Variants in TNIK observed in about 807,000 individuals in gnomAD.
TNIK encodes the protein TRAF2 and NCK interacting kinase, also known as TRAF2 and NCK-interacting protein kinase.
TNIK carries 49 observed loss-of-function variants against 191.3 expected under a neutral mutation model. The observed-to-expected ratio is 0.26, with a 90% confidence interval of 0.20 to 0.32. The LOEUF (loss-of-function observed/expected upper bound fraction) is 0.32, where lower values mean the gene tolerates loss of function less well. Ranked by LOEUF, TNIK falls within the 10% of genes least tolerant of loss-of-function variation. The pLI is 1.00. For synonymous variants in TNIK, 594 were observed against 600.9 expected (o/e 0.99, Z 0.17); for missense variants, 1,155 against 1,702.3 (o/e 0.68, Z 5.66).
At chr3:171,344,606 G>A (rs573756137) in intron 2 of TNIK, among the ~76,000 whole-genome samples, 5 of 152,258 alleles carry the variant, frequency 3.3e-5, no homozygotes, top group Admixed American at 3.3e-4. Flanking sequence ...TCAGAATTGT[G>A]AAAGTGACAG....
intron 1 of TNIK, among the ~76,000 whole-genome samples, chr3:171,418,537 GCTA>G (rs1168995395): frequency 6.6e-6 from 1 of 152,176 alleles, no homozygotes; most frequent in Admixed American, 6.5e-5. Flanking sequence ...ACTCATACAT[GCTA>G]CTACAAGGAT....
At chr3:171,170,586 A>G (rs1735141896) in intron 9 of TNIK, among the ~76,000 whole-genome samples, 2 of 152,346 alleles carry the variant, frequency 1.3e-5, no homozygotes, top group South Asian at 2.1e-4. Flanking sequence ...AAAAGTTATG[A>G]TAAGTGAATT....
intron 1 of TNIK, among the ~76,000 whole-genome samples, chr3:171,443,255 G>C (rs1312675272): frequency 6.6e-6 from 1 of 152,142 alleles, no homozygotes; most frequent in African/African-American, 2.4e-5. Context: ...GCTACCCAGA[G>C]TATCCATGCT....
intron 2 of TNIK, among the ~76,000 whole-genome samples, chr3:171,354,453 T>C (rs1353219988): frequency 6.6e-6 from 1 of 152,064 alleles, no homozygotes; most frequent in Non-Finnish European, 1.5e-5. Flanking sequence ...AAGGGCAGCT[T>C]GTAGCAGGAC....
intron 26 of TNIK, among the ~76,000 whole-genome samples, chr3:171,083,761 G>A (rs1720980478): frequency 6.6e-6 from 1 of 152,112 alleles, no homozygotes; most frequent in African/African-American, 2.4e-5. Flanking sequence ...CCCCTTGCAG[G>A]ATGTGGTATG....
At chr3:171,263,992 G>A (rs1333392292) in intron 2 of TNIK, among the ~76,000 whole-genome samples, 5 of 151,078 alleles carry the variant, frequency 3.3e-5, no homozygotes, top group Admixed American at 6.6e-5. Flanking sequence ...GGCATGCTAC[G>A]GAGTTTGTGA....
At chr3:171,142,349 GGCGGGAT>G (rs1321616417) in intron 12 of TNIK, among the ~76,000 whole-genome samples, 32 of 152,200 alleles carry the variant, frequency 2.1e-4, no homozygotes, top group African/African-American at 7.0e-4. Context: ...TTTCAGCAAA[GGCGGGAT>G]GAGAGTCCAT....
intron 32 of TNIK, among the ~76,000 whole-genome samples, chr3:171,065,199 G>A (rs2108299214): frequency 6.6e-6 from 1 of 152,260 alleles, no homozygotes; most frequent in East Asian, 1.9e-4. Context: ...GAGACTGGGT[G>A]GGAGCTGGAG....
At chr3:171,405,716 C>A (rs1721582997) in intron 1 of TNIK, among the ~76,000 whole-genome samples, 1 of 152,150 alleles carries the variant, frequency 6.6e-6, no homozygotes, top group South Asian at 2.1e-4. Flanking sequence ...TTCTACAGAG[C>A]ATCCCAAAAT....
At chr3:171,298,735 C>T (rs1025438114) in intron 2 of TNIK, among the ~76,000 whole-genome samples, 2 of 152,172 alleles carry the variant, frequency 1.3e-5, no homozygotes, top group African/African-American at 4.8e-5. Context: ...AAACAAAATA[C>T]AAACCTTTGT....
chr3:171,376,710 G>A (rs1366381082), intron 1 of TNIK, among the ~76,000 whole-genome samples: 2 of 142,504 alleles, frequency 1.4e-5, no homozygotes, highest in African/African-American at 3.1e-5. Flanking sequence ...GATAATTCAA[G>A]TAAAAAACAT....
intron 1 of TNIK, among the ~76,000 whole-genome samples, chr3:171,449,657 T>C (rs1727937337): frequency 6.6e-6 from 1 of 152,208 alleles, no homozygotes; most frequent in Non-Finnish European, 1.5e-5. Flanking sequence ...AATCATAAGT[T>C]TAAATAATTT....
At chr3:171,370,509 GA>G (rs1457970903) in intron 1 of TNIK, among the ~76,000 whole-genome samples, 2 of 152,180 alleles carry the variant, frequency 1.3e-5, no homozygotes, top group Non-Finnish European at 2.9e-5. Context: ...GGCAGAAATT[GA>G]CTTTCACCCC....
At chr3:171,386,035 A>C (rs1455047388) in intron 1 of TNIK, among the ~76,000 whole-genome samples, 1 of 152,190 alleles carries the variant, frequency 6.6e-6, no homozygotes, top group Non-Finnish European at 1.5e-5. Context: ...CCACTCAGCT[A>C]TGCTCCTGCT....
chr3:171,319,476 C>G (rs1020709937), intron 2 of TNIK, among the ~76,000 whole-genome samples: 2 of 151,962 alleles, frequency 1.3e-5, no homozygotes, highest in African/African-American at 4.8e-5. Flanking sequence ...ACCATCCTTC[C>G]TTGGTATTTT....
At position 171,082,305 on chromosome 3, in the gene TNIK, G is replaced by A. The variant is rs1383219718; in HGVS notation, c.3259C>T (p.Arg1087Ter). Reference sequence around the variant, plus strand: ...TCTAGCACATCCATCTGCTGAAATCGCCTCCGGTTGATCAGATTATAGACT... The same window carrying A: ...TCTAGCACATCCATCTGCTGAAATCACCTCCGGTTGATCAGATTATAGACT... The part of the protein sequence containing the change: ...GKVYNLINRR[R>*]FQQMDVLEGL... The change falls in exon 27 of 33, where the codon CGA becomes TGA. Residue 1087 changes from arginine (R) to a stop codon, truncating the protein, a stop_gained. Transcript: ENST00000436636. LOFTEE classifies it high-confidence loss of function. 1 of 1,613,606 alleles carries A rather than the reference G, an allele frequency of 6.2e-7. No individual in the cohort carries two copies. The highest frequency in any genetic ancestry group is 1.7e-5 in the Admixed American group (1 of 59,986).
chr3:171,126,400 TAATAAC>T (rs1241806010), intron 16 of TNIK, among the ~76,000 whole-genome samples: 2 of 152,172 alleles, frequency 1.3e-5, no homozygotes, highest in African/African-American at 4.8e-5. Context: ...ATGTGTGAAA[TAATAAC>T]AATAACTACT....
chr3:171,408,496 AC>A (rs770273233), intron 1 of TNIK, among the ~76,000 whole-genome samples: 6 of 152,208 alleles, frequency 3.9e-5, no homozygotes, highest in Non-Finnish European at 8.8e-5. Flanking sequence ...GGGTCAGGTG[AC>A]CAAGATTCTC....
chr3:171,217,714 A>T (rs2108939809), intron 3 of TNIK, among the ~76,000 whole-genome samples: 1 of 152,322 alleles, frequency 6.6e-6, no homozygotes, highest in South Asian at 2.1e-4. Flanking sequence ...ACAGATATGA[A>T]TCAAAGAATG....
Sources: allele counts gnomAD v4.1 joint callset (sites outside exome capture counted in the v4.1 genomes callset), GRCh38; gene constraint gnomAD v4.1.1; transcripts MANE v1.5; gene names NCBI Gene and HGNC (gene_info 2026-07-23, HGNC 2026-07-21).